The following ARID1B variants were observed in gnomAD, a reference collection of about 807,000 sequenced individuals.
ARID1B encodes AT-rich interaction domain 1B.
Under a neutral mutation model 212.3 loss-of-function variants are expected in ARID1B, and 30 were observed. The ratio of observed to expected loss-of-function variants is 0.14; its 90% CI spans 0.11 to 0.19. ARID1B has a LOEUF of 0.19. ARID1B is among the 10% of genes least tolerant of loss of function. ARID1B has a pLI of 1.00. For synonymous variants in ARID1B, 1,402 were observed against 1,301.7 expected (o/e 1.08, Z -1.66); for missense variants, 2,891 against 3,204.0 (o/e 0.90, Z 2.36).
chr6:156,925,481 T>C (rs1333615871), intron 3 of ARID1B, among the ~76,000 whole-genome samples: 9 of 152,090 alleles, frequency 5.9e-5, no homozygotes. Flanking sequence ...GCAGTCCAGC[T>C]TGGGCACCAC....
intron 1 of ARID1B, among the ~76,000 whole-genome samples, chr6:156,808,049 T>C: frequency 6.6e-6 from 1 of 152,210 alleles, no homozygotes; most frequent in East Asian, 1.9e-4. Flanking sequence ...ATACAACCTC[T>C]TCATTGTTAA....
intron 4 of ARID1B, among the ~76,000 whole-genome samples, chr6:156,983,452 A>G (rs1172198762): frequency 6.6e-6 from 1 of 152,056 alleles, no homozygotes; most frequent in African/African-American, 2.4e-5. Context: ...TGAGCTGGGC[A>G]TGTGGACAGG....
chr6:156,939,245 A>G (rs7754462), intron 4 of ARID1B: 5 of 152,170 alleles, frequency 3.3e-5, no homozygotes, highest in African/African-American at 1.2e-4. Context: ...TAAACCTAGC[A>G]TTTAAGCTAA....
intron 4 of ARID1B, among the ~76,000 whole-genome samples, chr6:156,979,072 C>T (rs1339248902): frequency 3.9e-5 from 6 of 152,158 alleles, no homozygotes; most frequent in African/African-American, 9.7e-5. Flanking sequence ...ATCCTGAAAG[C>T]GCTAGTAGTG....
At chr6:157,153,419 A>G (rs1790341918) in intron 8 of ARID1B, among the ~76,000 whole-genome samples, 1 of 152,252 alleles carries the variant, frequency 6.6e-6, no homozygotes, top group Non-Finnish European at 1.5e-5. Context: ...TGTTGTGTAC[A>G]GTTTTAAAGC....
chr6:157,172,264 G>A (rs1039528061), intron 9 of ARID1B, among the ~76,000 whole-genome samples: 5 of 152,098 alleles, frequency 3.3e-5, no homozygotes, highest in African/African-American at 7.2e-5. Flanking sequence ...TGAACAAGGC[G>A]GTCTTCGCGG....
chr6:157,166,829 T>G (rs543218580), intron 8 of ARID1B: 2 of 479,078 alleles, frequency 4.2e-6, no homozygotes, highest in Non-Finnish European at 7.0e-6. Flanking sequence ...CTTGCAGAAC[T>G]TGTAATATTT....
At chr6:157,101,734 C>G (rs1291523421) in intron 5 of ARID1B, among the ~76,000 whole-genome samples, 1 of 152,034 alleles carries the variant, frequency 6.6e-6, no homozygotes, top group Non-Finnish European at 1.5e-5. Context: ...AGACAGTGCT[C>G]TCTCTTTAGC....
At chr6:156,786,093 C>T (rs1779610528) in intron 1 of ARID1B, among the ~76,000 whole-genome samples, 1 of 152,198 alleles carries the variant, frequency 6.6e-6, no homozygotes, top group Non-Finnish European at 1.5e-5. Flanking sequence ...TTACCATTCT[C>T]ACTTTTCCCT....
At position 157,061,663 on chromosome 6, in the gene ARID1B, A is replaced by G. The variant is rs78342526; in HGVS notation, c.2248-22999A>G. On this transcript the variant is annotated intron_variant, in intron 4 of 19. Transcript: ENST00000636930. ...TATAAGTCCAAATATTACATGGCAC[A>G]TACACTTAAAACTTGTTATTTCTCT... Among the ~76,000 whole-genome samples the G allele has an allele frequency of 5.6e-3, 846 of 152,306 alleles. 14 individuals are homozygous for G. Among genetic ancestry groups the G allele is most frequent in the African/African-American group, 0.02 (817 of 41,570 alleles).
At chr6:156,967,515 A>C (rs1794849622) in intron 4 of ARID1B, among the ~76,000 whole-genome samples, 1 of 151,940 alleles carries the variant, frequency 6.6e-6, no homozygotes, top group Admixed American at 6.6e-5. Flanking sequence ...GATGAGTGAG[A>C]GAAGAGGAGG....
rs200624327 is a variant in ARID1B at position 157,187,867 on chromosome 6, G to C, written c.3920-1775G>C. 1.4e-4 allele frequency among the ~76,000 whole-genome samples: 22 copies of C among 151,734 alleles called. 1 individual carries two copies. In the East Asian group the frequency reaches 4.3e-3, roughly 29 times the overall value. On this transcript the variant is annotated intron_variant, in intron 13 of 19. Transcript: ENST00000636930. ...CTTTCTGAAATCAAGCCTTGCAAGT[G>C]ATGTTTCCAAGGAGGCTGTCGGCTG...
chr6:156,847,366 C>T (rs1397001650), intron 2 of ARID1B, among the ~76,000 whole-genome samples: 3 of 152,122 alleles, frequency 2.0e-5, no homozygotes, highest in Non-Finnish European at 4.4e-5. Flanking sequence ...TTTAGATTCG[C>T]CAGGAAAAGC....
At chr6:156,800,386 C>A (rs1414584142) in intron 1 of ARID1B, among the ~76,000 whole-genome samples, 1 of 151,914 alleles carries the variant, frequency 6.6e-6, no homozygotes, top group Non-Finnish European at 1.5e-5. Context: ...GTCAGGAGTT[C>A]AAGACCAGCC....
intron 4 of ARID1B, among the ~76,000 whole-genome samples, chr6:157,060,914 G>C (rs1221419183): frequency 6.6e-6 from 1 of 151,902 alleles, no homozygotes; most frequent in Non-Finnish European, 1.5e-5. Context: ...ATCTTTTACA[G>C]CTTCTTCCCC....
At chr6:156,835,737 G>A (rs1441366242) in intron 2 of ARID1B, among the ~76,000 whole-genome samples, 3 of 152,032 alleles carry the variant, frequency 2.0e-5, no homozygotes, top group African/African-American at 4.8e-5. Context: ...AATCTTAAAT[G>A]TATGTTTTAT....
At chr6:157,030,221 G>A (rs1253580747) in intron 4 of ARID1B, 1 of 152,424 alleles carries the variant, frequency 6.6e-6, no homozygotes, top group Non-Finnish European at 1.5e-5. Context: ...AAGGCGATGT[G>A]GTAACAGGAC....
chr6:157,006,275 C>A (rs1436894470), intron 4 of ARID1B, among the ~76,000 whole-genome samples: 2 of 152,138 alleles, frequency 1.3e-5, no homozygotes, highest in Non-Finnish European at 1.5e-5. Flanking sequence ...GTATTGCAAG[C>A]CATTTTATGG....
At chr6:156,865,320 T>G (rs1372703523) in intron 2 of ARID1B, among the ~76,000 whole-genome samples, 9 of 152,198 alleles carry the variant, frequency 5.9e-5, no homozygotes, top group Non-Finnish European at 1.0e-4. Context: ...TAAAAGACAT[T>G]TTACCCTCAT....
Sources: gnomAD v4.1 joint callset for allele counts (sites outside exome capture counted in the v4.1 genomes callset) on GRCh38, gnomAD v4.1.1 for gene constraint, MANE v1.5 for transcripts, NCBI Gene and HGNC (gene_info 2026-07-23, HGNC 2026-07-21) for gene names.